The following MTHFD1L variants were observed in gnomAD, a reference collection of about 807,000 sequenced individuals.
MTHFD1L encodes methylenetetrahydrofolate dehydrogenase (NADP+ dependent) 1 like.
A neutral mutation model predicts 119.5 loss-of-function variants in MTHFD1L; 81 were observed. That is an observed-to-expected ratio of 0.68 (90% CI 0.57 to 0.82). The LOEUF is 0.82. Ranked by LOEUF, MTHFD1L falls within the 40% of genes least tolerant of loss-of-function variation. MTHFD1L has a pLI of 0.00. For synonymous variants in MTHFD1L, 430 were observed against 475.2 expected (o/e 0.90, Z 1.24); for missense variants, 1,125 against 1,253.4 (o/e 0.90, Z 1.55).
At chr6:151,053,282 T>C (rs570430106) in intron 26 of MTHFD1L, among the ~76,000 whole-genome samples, 69 of 152,296 alleles carry the variant, frequency 4.5e-4, no homozygotes, top group Non-Finnish European at 8.5e-4. Context: ...TATGGCATGG[T>C]TGACACTACC....
chr6:151,045,217 C>T (rs779126094), intron 26 of MTHFD1L, among the ~76,000 whole-genome samples: 5 of 152,204 alleles, frequency 3.3e-5, no homozygotes, highest in South Asian at 4.1e-4. Flanking sequence ...CAGAGATTTA[C>T]GGCCAGTTAC....
chr6:150,932,452 C>T (rs1179837965), intron 11 of MTHFD1L, among the ~76,000 whole-genome samples: 3 of 152,106 alleles, frequency 2.0e-5, no homozygotes. Flanking sequence ...AGTTCCATCT[C>T]TATGAACTCT....
rs1786290332 is a variant in MTHFD1L, at chr6:151,037,097, A to C, written c.2827A>C (p.Ile943Leu). The C allele has an allele frequency of 1.2e-6, 2 of 1,611,862 alleles. No individual in the cohort carries two copies. The highest frequency in any genetic ancestry group is 2.7e-5 in the African/African-American group (2 of 74,834). ...CCGGGCCAGCATAGGCGCTGGGTTCATTTACCCTTTGGTCGGAACGGTGAG... is the reference window on the plus strand; with the variant it reads ...CCGGGCCAGCATAGGCGCTGGGTTCCTTTACCCTTTGGTCGGAACGGTGAG... ...DVRASIGAGFIYPLVGTMSTM... is the reference protein window; with the variant it reads ...DVRASIGAGFLYPLVGTMSTM... The change falls in exon 26 of 28, where the codon ATT becomes CTT. Residue 943 changes from isoleucine (I) to leucine (L), a missense_variant. Physicochemically the swap from Ile to Leu is conservative, Grantham distance 5. Around this residue, in one of 3 missense-constraint regions of MTHFD1L, gnomAD observed 61 missense variants for 78.9 expected, o/e 0.77. Transcript: ENST00000367321.
intron 7 of MTHFD1L, among the ~76,000 whole-genome samples, chr6:150,894,280 A>G (rs1273846670): frequency 3.9e-5 from 6 of 152,132 alleles, no homozygotes; most frequent in African/African-American, 1.2e-4. Flanking sequence ...AAGTAGATAT[A>G]CTAGTAAAAT....
At chr6:150,898,821 AG>A in intron 7 of MTHFD1L, 1 of 368,214 alleles carries the variant, frequency 2.7e-6, no homozygotes, top group Non-Finnish European at 5.1e-6. Context: ...CCTAAAGTAT[AG>A]GGAAGATTAT....
chr6:151,097,082 A>G (rs993660476), intron 27 of MTHFD1L, among the ~76,000 whole-genome samples: 4 of 152,114 alleles, frequency 2.6e-5, no homozygotes, highest in African/African-American at 7.2e-5. Context: ...TTTTCCCCCC[A>G]TTCTTTTTTC....
chr6:151,085,508 C>T (rs112977945), intron 26 of MTHFD1L, among the ~76,000 whole-genome samples: 15,065 of 152,198 alleles, frequency 0.099, 1,133 homozygotes, highest in African/African-American at 0.21. Flanking sequence ...CGTTGTCTCA[C>T]GCCTGTAATC....
intron 17 of MTHFD1L, among the ~76,000 whole-genome samples, chr6:150,959,683 A>G (rs1343914765): frequency 6.6e-6 from 1 of 152,178 alleles, no homozygotes; most frequent in African/African-American, 2.4e-5. Flanking sequence ...AAGTAGCCTC[A>G]CATGCAGGAA....
At chr6:151,049,982 G>A (rs138276121) in intron 26 of MTHFD1L, among the ~76,000 whole-genome samples, 6 of 152,228 alleles carry the variant, frequency 3.9e-5, no homozygotes, top group African/African-American at 1.4e-4. Flanking sequence ...GGGAAGGAAT[G>A]TGGATGTCAT....
At chr6:150,908,159 C>T (rs1312663851) in intron 8 of MTHFD1L, among the ~76,000 whole-genome samples, 2 of 151,110 alleles carry the variant, frequency 1.3e-5, no homozygotes, top group Non-Finnish European at 3.0e-5. Context: ...CCACCCACCT[C>T]GGCCTCCCAG....
At chr6:151,069,802 C>T (rs1034856269) in intron 26 of MTHFD1L, among the ~76,000 whole-genome samples, 3 of 152,104 alleles carry the variant, frequency 2.0e-5, no homozygotes, top group African/African-American at 7.2e-5. Flanking sequence ...TCCAAGTGCT[C>T]GATCACCCCA....
At chr6:150,901,922 A>G (rs1455605501) in intron 7 of MTHFD1L, among the ~76,000 whole-genome samples, 1 of 152,106 alleles carries the variant, frequency 6.6e-6, no homozygotes, top group Non-Finnish European at 1.5e-5. Flanking sequence ...AACAGTTTTC[A>G]TAGGTCTCAA....
At chr6:151,073,137 G>A (rs1442601865) in intron 26 of MTHFD1L, among the ~76,000 whole-genome samples, 1 of 152,178 alleles carries the variant, frequency 6.6e-6, no homozygotes, top group African/African-American at 2.4e-5. Context: ...CAGAGCTGGG[G>A]ATACATCAAG....
chr6:150,895,775 T>A (rs2128808347), intron 7 of MTHFD1L, among the ~76,000 whole-genome samples: 1 of 152,296 alleles, frequency 6.6e-6, no homozygotes, highest in South Asian at 2.1e-4. Flanking sequence ...AAAAAAAGAA[T>A]AATGTCTGTC....
intron 16 of MTHFD1L, among the ~76,000 whole-genome samples, chr6:150,954,514 C>G (rs950378824): frequency 6.6e-6 from 1 of 152,034 alleles, no homozygotes; most frequent in Non-Finnish European, 1.5e-5. Context: ...ATGGCAAAAC[C>G]CCATCTCTTC....
intron 26 of MTHFD1L, among the ~76,000 whole-genome samples, chr6:151,090,510 C>T (rs775655797): frequency 6.6e-6 from 1 of 152,240 alleles, no homozygotes; most frequent in Non-Finnish European, 1.5e-5. Flanking sequence ...CCACAGGCCC[C>T]ATTTGAGTAA....
chr6:150,876,885 A>G (rs13198305), intron 2 of MTHFD1L, among the ~76,000 whole-genome samples: 9,884 of 152,320 alleles, frequency 0.065, 390 homozygotes, highest in Non-Finnish European at 0.084. Flanking sequence ...AGCTGTGCTC[A>G]AGTTACTTAC....
intron 26 of MTHFD1L, chr6:151,057,171 C>T (rs1417533516): frequency 2.0e-6 from 2 of 984,730 alleles, no homozygotes; most frequent in Non-Finnish European, 2.4e-6. Context: ...TGAATCTTGA[C>T]TCTGCTCCAT....
chr6:151,034,050 G>A (rs921573987), intron 24 of MTHFD1L, among the ~76,000 whole-genome samples: 5 of 151,914 alleles, frequency 3.3e-5, no homozygotes, highest in Non-Finnish European at 5.9e-5. Flanking sequence ...GAGTCATGGT[G>A]CACCCCTGTA....
Sources: gnomAD v4.1 joint callset for allele counts (sites outside exome capture counted in the v4.1 genomes callset) on GRCh38, gnomAD v4.1.1 for gene constraint, gnomAD v4.1.1 regional missense constraint, MANE v1.5 for transcripts, NCBI Gene and HGNC (gene_info 2026-07-23, HGNC 2026-07-21) for gene names.